PCDHB11: variants seen among roughly 807,000 people sequenced by gnomAD.
PCDHB11 encodes protocadherin beta-11.
For missense variants in PCDHB11, 1,151 were observed against 1,003.4 expected (o/e 1.15, Z -1.99); for synonymous variants, 522 against 442.0 (o/e 1.18, Z -2.27).
At position 141,200,276 on chromosome 5, in the gene PCDHB11, A is replaced by G; in HGVS notation, c.502A>G (p.Lys168Glu). Reference sequence around the variant, plus strand: ...TTTAGATGTAGGAATCAATGCTGTAAAAAGCTACACAATAAGCCCCAACTC... The same window carrying G: ...TTTAGATGTAGGAATCAATGCTGTAGAAAGCTACACAATAAGCCCCAACTC... ...KDLDVGINAV[K>E]SYTISPNSHF... The change falls in exon 1 of 1, where the codon AAA becomes GAA. Residue 168 changes from lysine (K) to glutamate (E), a missense_variant. Coordinates refer to ENST00000354757, the MANE Select transcript of PCDHB11 (RefSeq NM_018931.3). 1 of 1,614,198 alleles carries G rather than the reference A, an allele frequency of 6.2e-7. No individual in the cohort carries two copies. The highest frequency in any genetic ancestry group is 8.5e-7 in the Non-Finnish European group (1 of 1,180,032).
Position 141,199,653 on chromosome 5 carries a change from G to A in PCDHB11, c.-122G>A, listed in dbSNP as rs1754114313. 3 of 792,956 alleles carry A rather than the reference G, an allele frequency of 3.8e-6. No homozygotes were observed. Among genetic ancestry groups the A allele is most frequent in the Non-Finnish European group, 5.9e-6 (3 of 505,662 alleles). 49.1% of individuals were successfully genotyped at this position (792,956 alleles called of 1,614,324 possible). A position where few individuals can be genotyped will look rare whatever the true frequency, so the allele number is the denominator to read the frequency against. On this transcript the variant is annotated 5_prime_UTR_variant, in exon 1 of 1. Transcript: ENST00000354757. ...GACAGAAACAACAAGCCTTCAAGAG[G>A]GTGACCTGGAAACCATTCAACAGGG...
Position 141,202,894 on chromosome 5 carries a change from C to G in PCDHB11, c.*726C>G, listed in dbSNP as rs546655441. The stretch of plus-strand genomic sequence containing the variant: ...CCCAAAGTGCTGGGATTACAGGCGG[C>G]CAGGCCTATTTTCAATTTTCAAGTA... On this transcript the variant is annotated 3_prime_UTR_variant, in exon 1 of 1. Coordinates refer to ENST00000354757, the MANE Select transcript of PCDHB11 (RefSeq NM_018931.3). 1 of 151,424 alleles carries G rather than the reference C, an allele frequency of 6.6e-6. No homozygotes were observed. Among genetic ancestry groups the G allele is most frequent in the Non-Finnish European group, 1.5e-5 (1 of 67,842 alleles). The allele number at this position is 151,424 out of a possible 1,614,324, so 9.4% of individuals were successfully genotyped here.
Position 141,201,116 on chromosome 5 carries a change from G to A in PCDHB11, c.1342G>A (p.Ala448Thr). The A allele has an allele frequency of 1.2e-6, 2 of 1,613,992 alleles. No homozygotes were observed. The highest frequency in any genetic ancestry group is 1.1e-5 in the South Asian group (1 of 91,068). ...GTTGGTCTCTGACGTCAATGACAAC[G>A]CCCCCACCTTCACCCAAACCTCCTA... is the stretch of plus-strand genomic sequence containing the variant. ...TVLVSDVNDN[A>T]PTFTQTSYTL... Residue 448 changes from alanine to threonine, a missense_variant, in exon 1 of 1, where the codon GCC becomes ACC. Ala to Thr is a moderately conservative substitution (Grantham distance 58). Transcript: ENST00000354757.
At position 141,200,732 on chromosome 5, in the gene PCDHB11, C is replaced by G. The variant is rs781953241; in HGVS notation, c.958C>G (p.Gln320Glu). 1.2e-6 allele frequency: 2 copies of G among 1,613,906 alleles called. No individual in the cohort carries two copies. Among genetic ancestry groups the G allele is most frequent in the South Asian group, 2.2e-5 (2 of 91,070 alleles). The change falls in exon 1 of 1, where the codon CAA becomes GAA. Residue 320 changes from glutamine to glutamate, a missense_variant. By Grantham distance (29) the Gln-to-Glu change is conservative. Transcript: ENST00000354757. The stretch of plus-strand genomic sequence containing the variant: ...GATTGAGTCATACTCAATAATCATT[C>G]AAGCCACAGATGGGGGAGGACTTTT... ...ETIESYSIII[Q>E]ATDGGGLFGK...
In PCDHB11 at chr5:141,201,083, A is replaced by T. The variant is rs1554285482; in HGVS notation, c.1309A>T (p.Thr437Ser). The T allele has an allele frequency of 6.2e-7, 1 of 1,614,052 alleles. No homozygotes were observed. Among genetic ancestry groups the T allele is most frequent in the African/African-American group, 1.3e-5 (1 of 74,914 alleles). ...GIPRLKTEHN[T>S]TVLVSDVNDN... ...ACCCAGGCTGAAAACCGAGCACAAC[A>T]CAACTGTGTTGGTCTCTGACGTCAA... Residue 437 changes from threonine (T) to serine (S), a missense_variant, in exon 1 of 1, where the codon ACA (threonine) becomes TCA (serine). Thr to Ser is a moderately conservative substitution (Grantham distance 58). Coordinates refer to ENST00000354757, the MANE Select transcript of PCDHB11 (RefSeq NM_018931.3).
chr5:141,200,923 T>C lies in PCDHB11; in HGVS notation c.1149T>C (p.Cys383=), dbSNP rs1754162172. The C allele has an allele frequency of 1.2e-6, 2 of 1,614,194 alleles. No homozygotes were observed. Among genetic ancestry groups the C allele is most frequent in the Non-Finnish European group, 1.7e-6 (2 of 1,180,028 alleles). The part of the protein sequence containing the change: ...IDSGDNGRIV[C]SIPEDLPFVL... ...CTGGGGACAACGGAAGAATTGTTTG[T>C]TCCATTCCGGAAGACCTCCCATTCG... The change falls in exon 1 of 1, where the codon TGT becomes TGC. Residue 383 remains cysteine (C), a synonymous_variant. Coordinates refer to ENST00000354757, the MANE Select transcript of PCDHB11 (RefSeq NM_018931.3).
Position 141,201,592 on chromosome 5 carries a change from G to T in PCDHB11, c.1818G>T (p.Leu606=). 6.2e-7 allele frequency: 1 copy of T among 1,608,182 alleles called. No individual in the cohort carries two copies. The highest frequency in any genetic ancestry group is 2.3e-4 in the Middle Eastern group (1 of 4,444). The stretch of plus-strand genomic sequence containing the variant: ...AGAACGCCTGGCTGTCGTACCAGCT[G>T]CTCAAGGCCACGGAGCCCGGGCTAT... ...SGQNAWLSYQ[L]LKATEPGLFG... The change falls in exon 1 of 1, where the codon CTG becomes CTT. Residue 606 remains leucine (L), a synonymous_variant. Transcript: ENST00000354757.
Position 141,202,243 on chromosome 5 carries a change from A to G in PCDHB11, c.*75A>G. 1 of 1,264,468 alleles carries G rather than the reference A, an allele frequency of 7.9e-7. No individual in the cohort carries two copies. The highest frequency in any genetic ancestry group is 1.1e-6 in the Non-Finnish European group (1 of 925,780). 78.3% of individuals were successfully genotyped at this position (1,264,468 alleles called of 1,614,324 possible). Reference sequence around the variant, plus strand: ...TATCAATATTATTTAGTCTTAAACTAGTTACGTTATTATGCAATACGACTA... The same window carrying G: ...TATCAATATTATTTAGTCTTAAACTGGTTACGTTATTATGCAATACGACTA... On this transcript the variant is annotated 3_prime_UTR_variant, in exon 1 of 1. Transcript: ENST00000354757.
rs570969591 is a variant in PCDHB11 at position 141,200,640 on chromosome 5, G to T, written c.866G>T (p.Arg289Leu). 15 of 1,614,158 alleles carry T rather than the reference G, an allele frequency of 9.3e-6. No homozygotes were observed. In the East Asian group the frequency reaches 1.8e-4, roughly 19 times the overall value. ...YTFSHASEDIRKTFEINQKSG... is the reference protein window; with the variant it reads ...YTFSHASEDILKTFEINQKSG... ...TTTTCCCATGCCTCAGAAGATATTCGCAAGACATTTGAAATTAATCAAAAG... is the reference window on the plus strand; with the variant it reads ...TTTTCCCATGCCTCAGAAGATATTCTCAAGACATTTGAAATTAATCAAAAG... Residue 289 changes from arginine (R) to leucine (L), a missense_variant, in exon 1 of 1, where the codon CGC becomes CTC. Transcript: ENST00000354757.
Position 141,203,611 on chromosome 5 carries a change from TACTA to T in PCDHB11, c.*1447_*1450del, listed in dbSNP as rs1754254410. The T allele has an allele frequency of 6.6e-6, 1 of 152,212 alleles. No homozygotes were observed. The highest frequency in any genetic ancestry group is 1.5e-5 in the Non-Finnish European group (1 of 68,046). The allele number at this position is 152,212 out of a possible 1,614,324, so 9.4% of individuals were successfully genotyped here. On this transcript the variant is annotated 3_prime_UTR_variant, in exon 1 of 1. Coordinates refer to ENST00000354757, the MANE Select transcript of PCDHB11 (RefSeq NM_018931.3). ...TTTTGTGATCAATATTATACTTCAA[TACTA>T]ACTTTGTGCTTGTATTATTTTCTTA...
At position 141,200,655 on chromosome 5, in the gene PCDHB11, T is replaced by C. The variant is rs1554285356; in HGVS notation, c.881T>C (p.Ile294Thr). ...GAAGATATTCGCAAGACATTTGAAA[T>C]TAATCAAAAGTCTGGAGAAATTACT... ...ASEDIRKTFE[I>T]NQKSGEITLR... is the part of the protein sequence containing the mutation. The change falls in exon 1 of 1, where the codon ATT becomes ACT. Residue 294 changes from isoleucine to threonine, a missense_variant. Transcript: ENST00000354757. The C allele has an allele frequency of 6.2e-7, 1 of 1,614,150 alleles. No individual in the cohort carries two copies. Among genetic ancestry groups the C allele is most frequent in the Non-Finnish European group, 8.5e-7 (1 of 1,180,026 alleles).
chr5:141,199,854 G>T lies in PCDHB11; in HGVS notation c.80G>T (p.Gly27Val), dbSNP rs781948809. Reference sequence around the variant, plus strand: ...GTTTTGCTCGGAATGTCTCAGGCGGGCTCTGAAACCTGGAGCTTTTCTGTG... The same window carrying T: ...GTTTTGCTCGGAATGTCTCAGGCGGTCTCTGAAACCTGGAGCTTTTCTGTG... ...LFVLLGMSQA[G>V]SETWSFSVAE... The change falls in exon 1 of 1, where the codon GGC (glycine) becomes GTC (valine). Residue 27 changes from glycine to valine, a missense_variant. Gly to Val is a moderately radical substitution (Grantham distance 109). Coordinates refer to ENST00000354757, the MANE Select transcript of PCDHB11 (RefSeq NM_018931.3). 1.2e-6 allele frequency: 2 copies of T among 1,614,176 alleles called. No homozygotes were observed. The highest frequency in any genetic ancestry group is 4.5e-5 in the East Asian group (2 of 44,876).
Position 141,202,051 on chromosome 5 carries a change from C to G in PCDHB11, c.2277C>G (p.Ser759=), listed in dbSNP as rs376439742. ...YQYEVCLTGG[S]ETNEFKFLKP... ...ACGAGGTGTGTCTGACGGGAGGTTCCGAGACAAATGAATTCAAGTTCCTAA... is the reference window on the plus strand; with the variant it reads ...ACGAGGTGTGTCTGACGGGAGGTTCGGAGACAAATGAATTCAAGTTCCTAA... The change falls in exon 1 of 1, where the codon TCC becomes TCG. Residue 759 remains serine (S), a synonymous_variant. Coordinates refer to ENST00000354757, the MANE Select transcript of PCDHB11 (RefSeq NM_018931.3). The G allele has an allele frequency of 3.0e-5, 49 of 1,613,972 alleles. No homozygotes were observed. The African/African-American group carries it at 6.0e-4, about 20-fold the overall frequency.
chr5:141,201,994 C>A lies in PCDHB11; in HGVS notation c.2220C>A (p.Ser740Arg), dbSNP rs782119531. ...TTCCAGGGCATCTGGTGGACGTGAG[C>A]GGCACCGGGACCCTTTCCCAGAGCT... ...GPFPGHLVDV[S>R]GTGTLSQSYQ... The change falls in exon 1 of 1, where the codon AGC becomes AGA. Residue 740 changes from serine (S) to arginine (R), a missense_variant. By Grantham distance (110) the Ser-to-Arg change is moderately radical. Transcript: ENST00000354757. The A allele has an allele frequency of 1.4e-5, 22 of 1,614,020 alleles. No homozygotes were observed. The East Asian group carries it at 2.0e-4, about 15-fold the overall frequency.
rs1754235944 is a variant in PCDHB11, at chr5:141,202,723, C to T, written c.*555C>T. On this transcript the variant is annotated 3_prime_UTR_variant, in exon 1 of 1. Transcript: ENST00000354757. ...TGCCTCCTGGGCTCAAGAGACCAGC[C>T]CACCTCCGCCTCCAAGTAGCTGGGA... is the stretch of plus-strand genomic sequence containing the variant. 1 of 152,190 alleles carries T rather than the reference C, an allele frequency of 6.6e-6. No individual in the cohort carries two copies. The highest frequency in any genetic ancestry group is 1.9e-4 in the East Asian group (1 of 5,194). The allele number at this position is 152,190 out of a possible 1,614,324, so 9.4% of individuals were successfully genotyped here.
rs1412639576 is a variant in PCDHB11 at position 141,201,620 on chromosome 5, G to C, written c.1846G>C (p.Gly616Arg). ...CAAGGCCACGGAGCCCGGGCTATTCGGCGTGTGGGCGCACAATGGCGAGGT... is the reference window on the plus strand; with the variant it reads ...CAAGGCCACGGAGCCCGGGCTATTCCGCGTGTGGGCGCACAATGGCGAGGT... ...LLKATEPGLF[G>R]VWAHNGEVRT... Residue 616 changes from glycine to arginine, a missense_variant, in exon 1 of 1, where the codon GGC becomes CGC. Coordinates refer to ENST00000354757, the MANE Select transcript of PCDHB11 (RefSeq NM_018931.3). 4.4e-6 allele frequency: 7 copies of C among 1,607,686 alleles called. No individual in the cohort carries two copies. Among genetic ancestry groups the C allele is most frequent in the Non-Finnish European group, 5.1e-6 (6 of 1,179,304 alleles).
rs1563963188 is a variant in PCDHB11 at position 141,199,958 on chromosome 5, C to A, written c.184C>A (p.Arg62=). 1.9e-6 allele frequency: 3 copies of A among 1,614,068 alleles called. No homozygotes were observed. The highest frequency in any genetic ancestry group is 2.5e-6 in the Non-Finnish European group (3 of 1,180,034). The change falls in exon 1 of 1, where the codon CGG becomes AGG. Residue 62 remains arginine, a synonymous_variant. Coordinates refer to ENST00000354757, the MANE Select transcript of PCDHB11 (RefSeq NM_018931.3). The stretch of plus-strand genomic sequence containing the variant: ...GCTGAAGGTGAGAGAACTGTCCTCA[C>A]GGGGGGCTCGGGTGGTCTCTAATGA... The part of the protein sequence containing the change: ...LGLKVRELSS[R]GARVVSNDKK...
In PCDHB11 at chr5:141,201,249, C is replaced by T. The variant is rs1554285534; in HGVS notation, c.1475C>T (p.Pro492Leu). 4 of 1,613,336 alleles carry T rather than the reference C, an allele frequency of 2.5e-6. No individual in the cohort carries two copies. Among genetic ancestry groups the T allele is most frequent in the South Asian group, 1.1e-5 (1 of 91,048 alleles). Residue 492 changes from proline (P) to leucine (L), a missense_variant, in exon 1 of 1, where the codon CCG becomes CTG. Physicochemically the swap from Pro to Leu is moderately conservative, Grantham distance 98. Transcript: ENST00000354757. Reference protein sequence around the residue: ...TNAQVNYSLLPPQDLHLPLAS... With the variant: ...TNAQVNYSLLLPQDLHLPLAS... ...GCCCAGGTCAACTACTCGCTACTCC[C>T]GCCCCAGGACCTGCACCTGCCCCTC...
In PCDHB11 at chr5:141,202,102, A is replaced by C. The variant is rs1754217083; in HGVS notation, c.2328A>C (p.Ala776=). ...FLKPVIPNIQ[A]KGLGKNSEEN... is the part of the protein sequence containing the mutation. ...AACCGGTTATCCCTAATATCCAGGC[A>C]AAAGGTCTTGGGAAGAATAGTGAAG... The change falls in exon 1 of 1, where the codon GCA becomes GCC. Residue 776 remains alanine, a synonymous_variant. Coordinates refer to ENST00000354757, the MANE Select transcript of PCDHB11 (RefSeq NM_018931.3). 6.2e-7 allele frequency: 1 copy of C among 1,614,084 alleles called. No individual in the cohort carries two copies. Among genetic ancestry groups the C allele is most frequent in the African/African-American group, 1.3e-5 (1 of 74,934 alleles).
Sources: gnomAD v4.1 joint callset for allele counts on GRCh38, gnomAD v4.1.1 for gene constraint, MANE v1.5 for transcripts, NCBI Gene and HGNC (gene_info 2026-07-23, HGNC 2026-07-21) for gene names.